SSBP2: variants seen among roughly 807,000 people sequenced by gnomAD.
SSBP2 encodes the protein single stranded DNA binding protein 2, also known as single-stranded DNA-binding protein 2.
In SSBP2, 17 loss-of-function variants were observed where a neutral mutation model predicts 61.8. That is an observed-to-expected ratio of 0.28 (90% confidence interval 0.19 to 0.41). The LOEUF is 0.41. Among genes scored for constraint, SSBP2 ranks in the 10% least tolerant of loss-of-function variants. The pLI, the probability that SSBP2 is intolerant of heterozygous loss-of-function variation, is 1.00. For missense variants in SSBP2, 310 were observed against 458.7 expected (o/e 0.68, Z 2.96); for synonymous variants, 139 against 141.3 (o/e 0.98, Z 0.12).
chr5:81,743,367 C>G (rs1203399622), intron 1 of SSBP2, among the ~76,000 whole-genome samples: 2 of 152,188 alleles, frequency 1.3e-5, no homozygotes, highest in Admixed American at 6.5e-5. Context: ...TCCTCTCCTC[C>G]AAGAACCTTC....
At chr5:81,573,340 A>AG (rs1773970066) in intron 4 of SSBP2, among the ~76,000 whole-genome samples, 1 of 152,256 alleles carries the variant, frequency 6.6e-6, no homozygotes, top group South Asian at 2.1e-4. Context: ...TAATCCCAGA[A>AG]GGGAAGTCTG....
intron 8 of SSBP2, among the ~76,000 whole-genome samples, chr5:81,470,599 C>T (rs1207847935): frequency 6.6e-6 from 1 of 151,842 alleles, no homozygotes; most frequent in Non-Finnish European, 1.5e-5. Context: ...TTCAGTTGTT[C>T]TAATAGATAA....
At chr5:81,616,344 C>T (rs1468295220) in intron 3 of SSBP2, 1 of 144,746 alleles carries the variant, frequency 6.9e-6, no homozygotes, top group Non-Finnish European at 1.5e-5. Context: ...GGGTGACGGA[C>T]GCACCTGGAA....
intron 4 of SSBP2, among the ~76,000 whole-genome samples, chr5:81,539,798 G>A (rs1227640817): frequency 6.6e-6 from 1 of 152,076 alleles, no homozygotes; most frequent in Non-Finnish European, 1.5e-5. Context: ...AGAACGTGCA[G>A]GTTTGTTACA....
intron 9 of SSBP2, among the ~76,000 whole-genome samples, chr5:81,463,810 C>T (rs1290253642): frequency 6.9e-6 from 1 of 144,002 alleles, no homozygotes; most frequent in Non-Finnish European, 1.5e-5. Context: ...GCCCTGTCAC[C>T]TAGGTTGGAG....
intron 16 of SSBP2, among the ~76,000 whole-genome samples, chr5:81,428,024 C>G (rs747188935): frequency 9.2e-5 from 14 of 152,318 alleles, no homozygotes; most frequent in South Asian, 8.3e-4. Context: ...GGTAAGTGCT[C>G]AGTAATTGCT....
chr5:81,526,430 A>C (rs1769942778), intron 4 of SSBP2, among the ~76,000 whole-genome samples: 1 of 152,054 alleles, frequency 6.6e-6, no homozygotes, highest in South Asian at 2.1e-4. Context: ...TATTCTCAAA[A>C]TAATAAACTT....
At chr5:81,636,031 G>A (rs1748194542) in intron 3 of SSBP2, among the ~76,000 whole-genome samples, 1 of 152,118 alleles carries the variant, frequency 6.6e-6, no homozygotes, top group Non-Finnish European at 1.5e-5. Context: ...ATTTGGAGAT[G>A]GGGTCTTTGG....
chr5:81,542,817 T>TTCTCTCTCTATCTCTCTCTCTCTCTC (rs1771386228), intron 4 of SSBP2, among the ~76,000 whole-genome samples: 2 of 106,724 alleles, frequency 1.9e-5, no homozygotes, highest in African/African-American at 8.1e-5. Flanking sequence ...ATTTGACAGT[T>TTCTCTCTCTATCTCTCTCTCTCTCTC]TCTCTCTCTC....
chr5:81,466,218 C>T lies in SSBP2; in HGVS notation c.638+756G>A, dbSNP rs1231969470. On this transcript the variant is annotated intron_variant, in intron 9 of 16. Coordinates refer to ENST00000320672, the MANE Select transcript of SSBP2 (RefSeq NM_012446.5). ...GATCCTCTTGTGAATTAATGAAAGT[C>T]ACTAACAAGTACCTTGTGTATATAA... Among the ~76,000 whole-genome samples the T allele has an allele frequency of 2.6e-5, 4 of 152,084 alleles. No individual in the cohort carries two copies. The East Asian group carries it at 7.7e-4, about 29-fold the overall frequency.
intron 1 of SSBP2, among the ~76,000 whole-genome samples, chr5:81,717,575 C>A (rs781679358): frequency 6.6e-6 from 1 of 152,088 alleles, no homozygotes; most frequent in South Asian, 2.1e-4. Flanking sequence ...AAATATATGA[C>A]ATTTAAATAA....
At chr5:81,472,565 C>G (rs1765318594) in intron 8 of SSBP2, among the ~76,000 whole-genome samples, 2 of 151,974 alleles carry the variant, frequency 1.3e-5, no homozygotes, top group South Asian at 4.2e-4. Flanking sequence ...TATACTTACT[C>G]TTTAATATTT....
chr5:81,516,774 C>G (rs1023543155), intron 4 of SSBP2, among the ~76,000 whole-genome samples: 15 of 151,868 alleles, frequency 9.9e-5, no homozygotes, highest in Admixed American at 9.2e-4. Flanking sequence ...ATAATGCAAG[C>G]TTTGAAACTG....
chr5:81,577,664 T>G (rs941772084), intron 4 of SSBP2, among the ~76,000 whole-genome samples: 2 of 151,880 alleles, frequency 1.3e-5, no homozygotes, highest in African/African-American at 4.8e-5. Context: ...GTCCTGAAAA[T>G]CAATAAAACT....
At chr5:81,577,501 A>G (rs1034363671) in intron 4 of SSBP2, among the ~76,000 whole-genome samples, 3 of 152,074 alleles carry the variant, frequency 2.0e-5, no homozygotes, top group African/African-American at 4.8e-5. Flanking sequence ...AAAGGAATAC[A>G]TTAGGAAGCA....
Position 81,432,339 on chromosome 5 carries a change from A to C in SSBP2, c.958-3656T>G, listed in dbSNP as rs570369552. On this transcript the variant is annotated intron_variant, in intron 15 of 16. Coordinates refer to ENST00000320672, the MANE Select transcript of SSBP2 (RefSeq NM_012446.5). Reference sequence around the variant, plus strand: ...AAATACTTTCTTGGTAATTTATTAAACATGATATGATCAGAGCTTGTCTTC... The same window carrying C: ...AAATACTTTCTTGGTAATTTATTAACCATGATATGATCAGAGCTTGTCTTC... Among the ~76,000 whole-genome samples the C allele has an allele frequency of 1.3e-3, 197 of 152,306 alleles. 1 individual carries two copies. The highest frequency in any genetic ancestry group is 4.6e-3 in the African/African-American group (191 of 41,570).
intron 4 of SSBP2, among the ~76,000 whole-genome samples, chr5:81,550,105 G>A (rs1772056085): frequency 6.6e-6 from 1 of 152,144 alleles, no homozygotes; most frequent in African/African-American, 2.4e-5. Flanking sequence ...CTTGCTTGCT[G>A]TACTGGTTAA....
chr5:81,738,848 T>C (rs762435934), intron 1 of SSBP2, among the ~76,000 whole-genome samples: 7 of 152,106 alleles, frequency 4.6e-5, no homozygotes, highest in Non-Finnish European at 8.8e-5. Context: ...GCACCTCAGA[T>C]GGTGTAACTT....
chr5:81,751,266 T>C, upstream of SSBP2: 1 of 571,940 alleles, frequency 1.7e-6, no homozygotes, highest in Non-Finnish European at 3.1e-6. Context: ...AGCGGCAGTC[T>C]CCTCCCTCCT....
Sources: gnomAD v4.1 joint callset for allele counts (sites outside exome capture counted in the v4.1 genomes callset) on GRCh38, gnomAD v4.1.1 for gene constraint, MANE v1.5 for transcripts, NCBI Gene and HGNC (gene_info 2026-07-23, HGNC 2026-07-21) for gene names.